CYFIP1: variants seen among roughly 807,000 people sequenced by gnomAD.
CYFIP1 encodes cytoplasmic FMR1-interacting protein 1.
A neutral mutation model predicts 163.5 loss-of-function variants in CYFIP1; 58 were observed. That is an observed-to-expected ratio of 0.35 (90% confidence interval 0.29 to 0.44). CYFIP1 has a LOEUF of 0.44. Ranked by LOEUF, CYFIP1 falls within the 20% of genes least tolerant of loss-of-function variation. The pLI, the probability that CYFIP1 is intolerant of heterozygous loss-of-function variation, is 1.00. For synonymous variants in CYFIP1, 663 were observed against 660.7 expected (o/e 1.00, Z -0.05); for missense variants, 1,338 against 1,653.8 (o/e 0.81, Z 3.31).
chr15:22,873,802 T>C lies in CYFIP1; in HGVS notation c.3211-73A>G, dbSNP rs1237608737. 5 of 1,301,018 alleles carry C rather than the reference T, an allele frequency of 3.8e-6. No individual in the cohort carries two copies. In the Admixed American group the frequency reaches 9.4e-5, roughly 25 times the overall value. The allele number at this position is 1,301,018 out of a possible 1,614,324, so 80.6% of individuals were successfully genotyped here. A position where few individuals can be genotyped will look rare whatever the true frequency, so the allele number is the denominator to read the frequency against. ...GCTACTCCACATCCTCTATGTCTCT[T>C]TTCTCTTGAGACAGGGTCTTGCTCT... On this transcript the variant is annotated intron_variant, in intron 28 of 30. Coordinates refer to ENST00000617928, the MANE Select transcript of CYFIP1 (RefSeq NM_014608.6).
intron 1 of CYFIP1, among the ~76,000 whole-genome samples, chr15:22,953,929 G>A (rs574835260): frequency 2.0e-5 from 3 of 152,212 alleles, no homozygotes; most frequent in South Asian, 4.1e-4. Context: ...GGTGGCGGGC[G>A]CCTGTAGTCC....
At chr15:22,936,114 G>T (rs952100297) in intron 9 of CYFIP1, among the ~76,000 whole-genome samples, 1 of 151,992 alleles carries the variant, frequency 6.6e-6, no homozygotes, top group Non-Finnish European at 1.5e-5. Context: ...GCTACTAAAA[G>T]TTTAAAAACT....
intron 22 of CYFIP1, among the ~76,000 whole-genome samples, chr15:22,898,418 C>T (rs930979806): frequency 1.3e-5 from 2 of 152,046 alleles, no homozygotes; most frequent in South Asian, 4.2e-4. Flanking sequence ...CCACCATGCT[C>T]GGCTAATGAA....
At chr15:22,958,338 G>A (rs377516570) in intron 1 of CYFIP1, among the ~76,000 whole-genome samples, 11 of 152,112 alleles carry the variant, frequency 7.2e-5, no homozygotes, top group Non-Finnish European at 1.0e-4. Context: ...TGCCTGCCTC[G>A]GCCTCTCCAA....
At chr15:22,922,929 T>A (rs2061235013) in intron 13 of CYFIP1, among the ~76,000 whole-genome samples, 1 of 151,904 alleles carries the variant, frequency 6.6e-6, no homozygotes, top group Non-Finnish European at 1.5e-5. Flanking sequence ...GAGGCAGAAG[T>A]TGCAGTGAGC....
chr15:22,941,191 G>T (rs527534694), intron 6 of CYFIP1, among the ~76,000 whole-genome samples: 1 of 152,170 alleles, frequency 6.6e-6, no homozygotes, highest in South Asian at 2.1e-4. Context: ...AAGTAGCTGG[G>T]ACCACAGGTG....
chr15:22,932,401 G>A (rs2061568215), intron 10 of CYFIP1, 61 bp from the exon 11 acceptor site: 2 of 1,218,458 alleles, frequency 1.6e-6, no homozygotes, highest in Non-Finnish European at 2.3e-6. Flanking sequence ...CAGCACTGGG[G>A]CAGCTCAGGA....
chr15:22,942,725 T>C (rs1309065479), intron 6 of CYFIP1, among the ~76,000 whole-genome samples: 1 of 152,130 alleles, frequency 6.6e-6, no homozygotes, highest in African/African-American at 2.4e-5. Flanking sequence ...TGCACATTGC[T>C]GGGATGGTGC....
chr15:22,922,666 A>G (rs940482710), intron 13 of CYFIP1, among the ~76,000 whole-genome samples: 1 of 152,222 alleles, frequency 6.6e-6, no homozygotes, highest in African/African-American at 2.4e-5. Context: ...ATATATTTAA[A>G]TTAGGTTTAA....
chr15:22,952,900 G>A (rs1015999548), intron 1 of CYFIP1, among the ~76,000 whole-genome samples: 1 of 152,142 alleles, frequency 6.6e-6, no homozygotes. Flanking sequence ...TCAGAGCACC[G>A]TGCGGAGTGC....
At chr15:22,922,865 A>ATGTG (rs2061232525) in intron 13 of CYFIP1, among the ~76,000 whole-genome samples, 6 of 151,892 alleles carry the variant, frequency 4.0e-5, no homozygotes, top group Non-Finnish European at 7.4e-5. Flanking sequence ...GGTGGCGCAC[A>ATGTG]CCTGTAATCC....
At chr15:22,957,716 A>G (rs973664487) in intron 1 of CYFIP1, among the ~76,000 whole-genome samples, 4 of 152,198 alleles carry the variant, frequency 2.6e-5, no homozygotes, top group Admixed American at 6.5e-5. Context: ...AAACTATGAA[A>G]TGTTTCTGCA....
At chr15:22,901,272 T>G (rs182116434) in intron 22 of CYFIP1, among the ~76,000 whole-genome samples, 2 of 151,948 alleles carry the variant, frequency 1.3e-5, no homozygotes, top group East Asian at 3.9e-4. Flanking sequence ...GATAACTGAT[T>G]CGGACAGGAA....
intron 1 of CYFIP1, among the ~76,000 whole-genome samples, chr15:22,959,362 G>T (rs151183590): frequency 1.3e-5 from 2 of 152,224 alleles, no homozygotes; most frequent in Admixed American, 1.3e-4. Context: ...CCACCATGGC[G>T]GTCTCCGGGA....
intron 26 of CYFIP1, 82 bp downstream of exon 26, chr15:22,879,831 G>A: frequency 1.7e-5 from 18 of 1,066,510 alleles, no homozygotes; most frequent in East Asian, 2.8e-5. Context: ...TAAAGAACCC[G>A]CCAAAGAAAG....
chr15:22,899,540 T>C (rs1012106312), intron 22 of CYFIP1, among the ~76,000 whole-genome samples: 1 of 85,946 alleles, frequency 1.2e-5, no homozygotes, highest in African/African-American at 4.2e-5. Context: ...AAAAGGTGAG[T>C]TTCCCTGCAC....
At chr15:22,890,874 C>T (rs915608241) in intron 23 of CYFIP1, among the ~76,000 whole-genome samples, 11 of 152,060 alleles carry the variant, frequency 7.2e-5, no homozygotes, top group Non-Finnish European at 1.3e-4. Flanking sequence ...CTCGAGAACG[C>T]GGAGTGTGGA....
chr15:22,979,744 A>G (rs774521092), intron 1 of CYFIP1, among the ~76,000 whole-genome samples: 1 of 152,178 alleles, frequency 6.6e-6, no homozygotes, highest in African/African-American at 2.4e-5. Flanking sequence ...AACAAAGCCC[A>G]AAACTCCTCT....
intron 1 of CYFIP1, among the ~76,000 whole-genome samples, chr15:22,964,543 G>A (rs1050070836): frequency 4.6e-5 from 7 of 152,090 alleles, no homozygotes; most frequent in Admixed American, 1.3e-4. Flanking sequence ...TCCCCTGCCC[G>A]GCAGCTCCCC....
Sources: allele counts gnomAD v4.1 joint callset (sites outside exome capture counted in the v4.1 genomes callset), GRCh38; gene constraint gnomAD v4.1.1; transcripts MANE v1.5; gene names NCBI Gene and HGNC (gene_info 2026-07-23, HGNC 2026-07-21).